Variants in SLCO1C1 observed in about 807,000 individuals in gnomAD.
The protein encoded by SLCO1C1 is solute carrier organic anion transporter family member 1C1, also known as OAT-RP-5.
A neutral mutation model predicts 76.4 loss-of-function variants in SLCO1C1; 70 were observed. The observed-to-expected ratio is 0.92, with a 90% confidence interval of 0.76 to 1.12. SLCO1C1 has a LOEUF of 1.12. SLCO1C1 is among the 50% of genes most tolerant of loss of function. The probability of loss-of-function intolerance (pLI) is 0.00; values close to 1 mark genes in which losing one functional copy is unlikely to be tolerated. For synonymous variants in SLCO1C1, 306 were observed against 286.1 expected, an observed-to-expected ratio of 1.07 and a Z score of -0.70; for missense variants, 912 against 823.8, an observed-to-expected ratio of 1.11 and a Z score of -1.31.
At chr12:20,720,200 A>AT (rs1947588455) in intron 7 of SLCO1C1, among the ~76,000 whole-genome samples, 1 of 151,596 alleles carries the variant, frequency 6.6e-6, no homozygotes, top group Admixed American at 6.6e-5. Flanking sequence ...CTCAGGAAAA[A>AT]AAATATATAT....
intron 1 of SLCO1C1, chr12:20,696,995 T>G (rs1026984530): frequency 1.3e-5 from 2 of 152,122 alleles, no homozygotes; most frequent in Non-Finnish European, 2.9e-5. Context: ...TTCATTATAC[T>G]TTTGAATTTT....
At position 20,695,818 on chromosome 12, in the gene SLCO1C1, G is replaced by T. The variant is rs1352365992; in HGVS notation, c.-26+11G>T. On this transcript the variant is annotated intron_variant, in intron 1 of 14. Coordinates refer to ENST00000266509, the MANE Select transcript of SLCO1C1 (RefSeq NM_017435.5). ...GATCTCTTCCTCCAGGTAAGACTTG[G>T]TTCTCTCATTTTATATTTTGTGACT... The T allele has an allele frequency of 6.6e-6, 1 of 152,016 alleles. No individual in the cohort carries two copies. The highest frequency in any genetic ancestry group is 1.5e-5 in the Non-Finnish European group (1 of 67,996). The allele number at this position is 152,016 out of a possible 1,614,324, so 9.4% of individuals were successfully genotyped here.
chr12:20,704,124 A>G (rs1478042018), intron 3 of SLCO1C1, among the ~76,000 whole-genome samples: 2 of 151,418 alleles, frequency 1.3e-5, no homozygotes, highest in African/African-American at 2.4e-5. Context: ...TTTATATCCA[A>G]TTTCATTTTT....
At chr12:20,716,859 T>C (rs1208003610) in intron 6 of SLCO1C1, among the ~76,000 whole-genome samples, 2 of 152,348 alleles carry the variant, frequency 1.3e-5, no homozygotes, top group East Asian at 3.9e-4. Flanking sequence ...ATAAAAGTTT[T>C]TTCCATTTTG....
chr12:20,709,552 A>G (rs1237438452), intron 4 of SLCO1C1, among the ~76,000 whole-genome samples: 2 of 152,188 alleles, frequency 1.3e-5, no homozygotes. Context: ...TATATTTACC[A>G]TGATTTCAAT....
At chr12:20,710,684 C>A (rs34953944) in intron 4 of SLCO1C1, among the ~76,000 whole-genome samples, 4,020 of 152,204 alleles carry the variant, frequency 0.026, 66 homozygotes, top group Middle Eastern at 0.099. Context: ...AAAGCAGAAT[C>A]TTATCAGGAT....
chr12:20,722,164 A>T (rs1383971965), intron 8 of SLCO1C1, 115 bp downstream of exon 8: 1 of 1,355,726 alleles, frequency 7.4e-7, no homozygotes, highest in Non-Finnish European at 9.8e-7. Context: ...AAACCATATC[A>T]GAAGCAAAAA....
In SLCO1C1 at chr12:20,730,873, G is replaced by A. The variant is rs868782022; in HGVS notation, c.1187-2036G>A. On this transcript the variant is annotated intron_variant, in intron 9 of 14. Transcript: ENST00000266509. ...CGGCTGAGACACATACTCAAACACC[G>A]ATAATCAGTGAAACAGTGGGCCAGG... Among the ~76,000 whole-genome samples the A allele has an allele frequency of 2.1e-4, 32 of 152,262 alleles. No homozygotes were observed. The South Asian group carries it at 2.7e-3, about 13-fold the overall frequency.
chr12:20,720,851 G>T (rs1592266646), intron 7 of SLCO1C1, among the ~76,000 whole-genome samples: 1 of 152,158 alleles, frequency 6.6e-6, no homozygotes, highest in East Asian at 1.9e-4. Context: ...TACAAAATTA[G>T]CCGGGCGTGG....
chr12:20,747,905 C>T (rs75151534), intron 13 of SLCO1C1, among the ~76,000 whole-genome samples: 16,444 of 152,124 alleles, frequency 0.11, 967 homozygotes, highest in African/African-American at 0.15. Flanking sequence ...CAATACACAG[C>T]TCATCTTAGG....
At chr12:20,731,785 G>A (rs764347648) in intron 9 of SLCO1C1, among the ~76,000 whole-genome samples, 1 of 152,136 alleles carries the variant, frequency 6.6e-6, no homozygotes, top group Non-Finnish European at 1.5e-5. Flanking sequence ...CAAGTCTTTT[G>A]CAATACAAGG....
intron 4 of SLCO1C1, among the ~76,000 whole-genome samples, chr12:20,708,758 A>G (rs1202924118): frequency 6.6e-6 from 1 of 152,086 alleles, no homozygotes; most frequent in Non-Finnish European, 1.5e-5. Flanking sequence ...TGAGAAGTAA[A>G]AGGGAATGAG....
chr12:20,710,195 CTTTTCTTTTT>C (rs1163043028), intron 4 of SLCO1C1, among the ~76,000 whole-genome samples: 2 of 125,174 alleles, frequency 1.6e-5, no homozygotes, highest in African/African-American at 7.2e-5. Context: ...CAGTTCTCTA[CTTTTCTTTTT>C]TTTTTTTTTT....
At chr12:20,720,707 G>A (rs539517543) in intron 7 of SLCO1C1, among the ~76,000 whole-genome samples, 2 of 152,278 alleles carry the variant, frequency 1.3e-5, no homozygotes, top group Admixed American at 6.5e-5. Context: ...TCATGATAAA[G>A]CTTGAACAGG....
At chr12:20,724,451 A>ATATATATATATATG (rs1555129500) in intron 9 of SLCO1C1, among the ~76,000 whole-genome samples, 1 of 75,396 alleles carries the variant, frequency 1.3e-5, no homozygotes, top group African/African-American at 5.3e-5. Context: ...ATATATATAT[A>ATATATATATATATG]TGTGTGTGTG....
intron 3 of SLCO1C1, among the ~76,000 whole-genome samples, chr12:20,705,075 T>A (rs1946709451): frequency 6.6e-6 from 1 of 151,952 alleles, no homozygotes; most frequent in Non-Finnish European, 1.5e-5. Context: ...AAGTTTTCAT[T>A]TCCTTAACCG....
At chr12:20,738,715 A>C (rs1948667589) in intron 11 of SLCO1C1, among the ~76,000 whole-genome samples, 1 of 152,192 alleles carries the variant, frequency 6.6e-6, no homozygotes, top group African/African-American at 2.4e-5. Flanking sequence ...CCATTTATAA[A>C]AGACATTACA....
chr12:20,736,809 C>T lies in SLCO1C1; in HGVS notation c.1383-298C>T, dbSNP rs143033105. ...TTCTACCTTGTTAGCTATTTTTATA[C>T]ACCTTTGCACAGAAGTATATTAGAA... On this transcript the variant is annotated intron_variant, in intron 10 of 14. Coordinates refer to ENST00000266509, the MANE Select transcript of SLCO1C1 (RefSeq NM_017435.5). Among the ~76,000 whole-genome samples, 181 of 152,226 alleles carry T rather than the reference C, an allele frequency of 1.2e-3. 1 individual carries two copies. The highest frequency in any genetic ancestry group is 3.4e-3 in the Middle Eastern group (1 of 294).
intron 1 of SLCO1C1, among the ~76,000 whole-genome samples, chr12:20,696,017 T>C (rs1946249131): frequency 1.3e-5 from 2 of 152,246 alleles, no homozygotes; most frequent in Non-Finnish European, 2.9e-5. Flanking sequence ...TTGAGTCTCA[T>C]GCTTATAAAT....
Sources: allele counts gnomAD v4.1 joint callset (sites outside exome capture counted in the v4.1 genomes callset), GRCh38; gene constraint gnomAD v4.1.1; transcripts MANE v1.5; gene names NCBI Gene and HGNC (gene_info 2026-07-23, HGNC 2026-07-21).